The following PPP6R2 variants were observed in gnomAD, a reference collection of about 807,000 sequenced individuals.
The protein encoded by PPP6R2 is protein phosphatase 6 regulatory subunit 2.
Under a neutral mutation model 100.2 loss-of-function variants are expected in PPP6R2, and 62 were observed. The ratio of observed to expected loss-of-function variants is 0.62; its 90% CI spans 0.50 to 0.76. The LOEUF (loss-of-function observed/expected upper bound fraction) is 0.76. Among genes scored for constraint, PPP6R2 ranks in the 30% least tolerant of loss-of-function variants. The probability of loss-of-function intolerance (pLI) is 0.00; values close to 1 mark genes in which losing one functional copy is unlikely to be tolerated. For synonymous variants in PPP6R2, 525 were observed against 514.7 expected (o/e 1.02, Z -0.27); for missense variants, 1,142 against 1,276.3 (o/e 0.89, Z 1.60).
At position 50,423,665 on chromosome 22, in the gene PPP6R2, G is replaced by C. The variant is rs2061618894; in HGVS notation, c.1125+51G>C. 1.9e-6 allele frequency: 3 copies of C among 1,606,002 alleles called. No homozygotes were observed. Among genetic ancestry groups the C allele is most frequent in the Non-Finnish European group, 2.6e-6 (3 of 1,174,746 alleles). On this transcript the variant is annotated intron_variant, in intron 10 of 23. Transcript: ENST00000612753. The surrounding 1 kb of genome is among the most constrained non-coding windows in gnomAD (Gnocchi z 4.8). ...GCATGTCTGTGAGTGTGCCGGGCAT[G>C]GCCTGTGGACTTGTCAGGAGCAGCA...
At chr22:50,350,043 A>G (rs1569250971) in intron 1 of PPP6R2, among the ~76,000 whole-genome samples, 2 of 151,932 alleles carry the variant, frequency 1.3e-5, no homozygotes, top group East Asian at 3.9e-4. Flanking sequence ...CCTTGAACCC[A>G]GGTGGTGGAG....
intron 2 of PPP6R2, among the ~76,000 whole-genome samples, chr22:50,387,698 G>A (rs1184269617): frequency 6.6e-6 from 1 of 152,156 alleles, no homozygotes; most frequent in Non-Finnish European, 1.5e-5. Flanking sequence ...TTGGAGTTGA[G>A]CTGCCAGGGT....
At chr22:50,391,431 T>TAA (rs2055511459) in intron 2 of PPP6R2, among the ~76,000 whole-genome samples, 1 of 27,368 alleles carries the variant, frequency 3.7e-5, no homozygotes, top group African/African-American at 7.1e-4. Flanking sequence ...AGACTCCGTC[T>TAA]CAAAAAAAAA....
rs139793065 is a variant in PPP6R2 at position 50,366,591 on chromosome 22, A to G, written c.-147-5429A>G. 4.6e-5 allele frequency among the ~76,000 whole-genome samples: 7 copies of G among 152,162 alleles called. No homozygotes were observed. In the East Asian group the frequency reaches 1.4e-3, roughly 29 times the overall value. ...AGTGCTGGGATTACAGGTGTGAGCCACCGCACCCGGCCCCTCTCATCTTTT... is the reference window on the plus strand; with the variant it reads ...AGTGCTGGGATTACAGGTGTGAGCCGCCGCACCCGGCCCCTCTCATCTTTT... On this transcript the variant is annotated intron_variant, in intron 1 of 23. Transcript: ENST00000612753.
chr22:50,444,214 G>A lies in PPP6R2; in HGVS notation c.2847G>A (p.Pro949=), dbSNP rs140137157. The change falls in exon 24 of 24, where the codon CCG becomes CCA. Residue 949 remains proline, a synonymous_variant. Transcript: ENST00000612753. ...TVTKDGKTDA[P]PEGAALNGPV Reference sequence around the variant, plus strand: ...ATTCCTGCAGGAAGACAGATGCCCCGCCAGAAGGAGCTGCCTTAAATGGCC... The same window carrying A: ...ATTCCTGCAGGAAGACAGATGCCCCACCAGAAGGAGCTGCCTTAAATGGCC... 1.4e-4 allele frequency: 230 copies of A among 1,612,928 alleles called. 1 individual carries two copies. Among genetic ancestry groups the A allele is most frequent in the South Asian group, 9.2e-4 (84 of 91,056 alleles).
chr22:50,370,544 C>T (rs192231392), intron 1 of PPP6R2, among the ~76,000 whole-genome samples: 39 of 152,248 alleles, frequency 2.6e-4, no homozygotes, highest in Admixed American at 8.5e-4. Flanking sequence ...GCCTTGGCCT[C>T]CCAAAGTGCT....
chr22:50,340,538 G>A (rs1443955765), upstream of PPP6R2, among the ~76,000 whole-genome samples: 4 of 147,150 alleles, frequency 2.7e-5, no homozygotes, highest in Non-Finnish European at 6.0e-5. Context: ...GGTATGTGGT[G>A]TGTGTGTCGC....
chr22:50,351,410 C>G (rs2045231466), intron 1 of PPP6R2, among the ~76,000 whole-genome samples: 1 of 148,946 alleles, frequency 6.7e-6, no homozygotes, highest in Non-Finnish European at 1.5e-5. Context: ...TAAAAGTCAC[C>G]AGCTGCATTA....
intron 3 of PPP6R2, among the ~76,000 whole-genome samples, chr22:50,406,483 G>A (rs142826123): frequency 1.3e-3 from 198 of 152,332 alleles, no homozygotes; most frequent in African/African-American, 4.5e-3. Context: ...GGCATGAGGA[G>A]CATAGAAGGT....
chr22:50,404,510 G>A (rs1460564319), intron 3 of PPP6R2, among the ~76,000 whole-genome samples: 1 of 151,824 alleles, frequency 6.6e-6, no homozygotes, highest in Non-Finnish European at 1.5e-5. Context: ...GCGCCTCCCG[G>A]GCTCAAGCCA....
At chr22:50,339,120 GT>G (rs1473726628), upstream of PPP6R2, among the ~76,000 whole-genome samples, 2 of 141,508 alleles carry the variant, frequency 1.4e-5, no homozygotes, top group Admixed American at 1.5e-4. Flanking sequence ...TATGTAGTGT[GT>G]GTTATGTAGT....
At chr22:50,391,418 G>A (rs951281576) in intron 2 of PPP6R2, among the ~76,000 whole-genome samples, 14 of 122,840 alleles carry the variant, frequency 1.1e-4, no homozygotes, top group Admixed American at 3.8e-4. Context: ...GGGCTACAGA[G>A]TGAGACTCCG....
chr22:50,443,533 C>T (rs1047637318), intron 22 of PPP6R2: 2 of 311,000 alleles, frequency 6.4e-6, no homozygotes, highest in Non-Finnish European at 1.2e-5. Context: ...CAGACTGTGT[C>T]CAGTGTGAGG....
At chr22:50,373,837 G>A (rs1327403412) in intron 2 of PPP6R2, among the ~76,000 whole-genome samples, 3 of 151,678 alleles carry the variant, frequency 2.0e-5, no homozygotes, top group Non-Finnish European at 2.9e-5. Flanking sequence ...GGGTTCAAGC[G>A]AATTTCCTGC....
intron 3 of PPP6R2, among the ~76,000 whole-genome samples, chr22:50,401,296 C>G (rs981959139): frequency 7.9e-5 from 12 of 151,740 alleles, no homozygotes; most frequent in Non-Finnish European, 1.5e-4. Context: ...CAACCTTCAC[C>G]TCCGGGTTCA....
chr22:50,441,108 TGA>T, intron 22 of PPP6R2, 82 bp downstream of exon 22: 6 of 1,194,972 alleles, frequency 5.0e-6, no homozygotes, highest in Non-Finnish European at 6.9e-6. Flanking sequence ...TCAGCTCCCC[TGA>T]GAGGAGGTGA....
At position 50,443,938 on chromosome 22, in the gene PPP6R2, C is replaced by G; in HGVS notation, c.2652C>G (p.Ala884=). ...PAPKEVTAAP[A]VAVPPEATVA... The stretch of plus-strand genomic sequence containing the variant: ...CAAAGGAAGTGACTGCTGCCCCAGC[C>G]GTGGCTGTGCCCCCCGAGGCTACTG... The change falls in exon 23 of 24, where the codon GCC becomes GCG. Residue 884 remains alanine, a synonymous_variant. Transcript: ENST00000612753. 1.9e-6 allele frequency: 3 copies of G among 1,608,604 alleles called. No homozygotes were observed. Among genetic ancestry groups the G allele is most frequent in the Non-Finnish European group, 2.5e-6 (3 of 1,178,024 alleles).
chr22:50,391,057 C>T (rs1383038127), intron 2 of PPP6R2, among the ~76,000 whole-genome samples: 1 of 151,512 alleles, frequency 6.6e-6, no homozygotes. Context: ...TCTGTAATCC[C>T]GACATTTTGG....
At chr22:50,401,487 T>C (rs2058024701) in intron 3 of PPP6R2, among the ~76,000 whole-genome samples, 1 of 145,654 alleles carries the variant, frequency 6.9e-6, no homozygotes, top group Admixed American at 7.0e-5. Flanking sequence ...ATTACAGGCG[T>C]GAGCCACCGC....
Sources: allele counts gnomAD v4.1 joint callset (sites outside exome capture counted in the v4.1 genomes callset), GRCh38; gene constraint gnomAD v4.1.1; non-coding constraint Gnocchi (gnomAD v3.1); transcripts MANE v1.5; gene names NCBI Gene and HGNC (gene_info 2026-07-23, HGNC 2026-07-21).